The following RP1L1 variants were observed in gnomAD, a reference collection of about 807,000 sequenced individuals.
The protein encoded by RP1L1 is retinitis pigmentosa 1-like 1 protein.
In RP1L1, 27 loss-of-function variants were observed where a neutral mutation model predicts 15.7. That is an observed-to-expected ratio of 1.72 (90% CI 1.27 to 2.38). The LOEUF is 2.38. Among genes scored for constraint, RP1L1 ranks in the 30% most tolerant of loss-of-function variants. The pLI is 0.00. For missense variants in RP1L1, 4,798 were observed against 3,075.9 expected, an observed-to-expected ratio of 1.56 and a Z score of -13.24; for synonymous variants, 1,813 against 1,276.7, an observed-to-expected ratio of 1.42 and a Z score of -8.96.
rs1374387565 is a variant in RP1L1 at position 10,610,375 on chromosome 8, T to C, written c.3723A>G (p.Ser1241=). 1.9e-6 allele frequency: 3 copies of C among 1,614,102 alleles called. No individual in the cohort carries two copies. The change falls in exon 4 of 4, where the codon TCA becomes TCG. Residue 1241 remains serine, a synonymous_variant. Transcript: ENST00000382483. The part of the protein sequence containing the change: ...PLKTSNQRPD[S]RTYESPGDLE... ...GATCCCCTGGGCTCTCATAAGTTCT[T>C]GAATCAGGCCTCTGGTTGGAGGTTT...
rs377134555 is a variant in RP1L1 at position 10,640,349 on chromosome 8, C to T, written c.-20+14549G>A. On this transcript the variant is annotated intron_variant, in intron 1 of 3. Coordinates refer to ENST00000382483, the MANE Select transcript of RP1L1 (RefSeq NM_178857.6). Reference sequence around the variant, plus strand: ...CAAGATTATTTTATATGCTGAAAATCATTCTAATTTTGTTTTTTAATACTT... The same window carrying T: ...CAAGATTATTTTATATGCTGAAAATTATTCTAATTTTGTTTTTTAATACTT... Among the ~76,000 whole-genome samples, 6 of 152,200 alleles carry T rather than the reference C, an allele frequency of 3.9e-5. No individual in the cohort carries two copies. The East Asian group carries it at 5.8e-4, about 15-fold the overall frequency.
At chr8:10,636,045 A>G (rs561599699) in intron 1 of RP1L1, among the ~76,000 whole-genome samples, 1 of 152,210 alleles carries the variant, frequency 6.6e-6, no homozygotes, top group Non-Finnish European at 1.5e-5. Context: ...TCTGCTGACC[A>G]CCTGCCTTCT....
At chr8:10,652,814 G>A (rs2117273790) in intron 1 of RP1L1, among the ~76,000 whole-genome samples, 1 of 152,294 alleles carries the variant, frequency 6.6e-6, no homozygotes, top group South Asian at 2.1e-4. Flanking sequence ...TGCCCTTCCT[G>A]GAGGTCATCA....
chr8:10,639,080 G>A (rs763688065), intron 1 of RP1L1, among the ~76,000 whole-genome samples: 2 of 151,970 alleles, frequency 1.3e-5, no homozygotes, highest in African/African-American at 2.4e-5. Context: ...GGGAGGCAGG[G>A]GTTGCAGTGA....
intron 1 of RP1L1, among the ~76,000 whole-genome samples, chr8:10,648,197 A>AT (rs1798507780): frequency 6.6e-6 from 1 of 151,714 alleles, no homozygotes; most frequent in African/African-American, 2.4e-5. Context: ...ATGCCTGGCT[A>AT]TTTTTTATAT....
chr8:10,631,433 A>G (rs112507495), intron 1 of RP1L1, among the ~76,000 whole-genome samples: 14 of 149,702 alleles, frequency 9.4e-5, no homozygotes, highest in African/African-American at 2.0e-4. Flanking sequence ...ACATGCGCGC[A>G]CACACACGCA....
intron 2 of RP1L1, among the ~76,000 whole-genome samples, chr8:10,618,337 T>C (rs1164078656): frequency 6.6e-6 from 1 of 151,860 alleles, no homozygotes; most frequent in Non-Finnish European, 1.5e-5. Flanking sequence ...CCATCTCTAC[T>C]AAAAATACAA....
chr8:10,633,378 G>A (rs117855214), intron 1 of RP1L1, among the ~76,000 whole-genome samples: 228 of 152,332 alleles, frequency 1.5e-3, no homozygotes, highest in Non-Finnish European at 2.5e-3. Flanking sequence ...CAGACCCTTA[G>A]TTCAAAGGAC....
In RP1L1 at chr8:10,613,176, C is replaced by T. The variant is rs1329261184; in HGVS notation, c.922G>A (p.Asp308Asn). The change falls in exon 4 of 4, where the codon GAC becomes AAC. Residue 308 changes from aspartate to asparagine, a missense_variant. Physicochemically the swap from Asp to Asn is conservative, Grantham distance 23 (BLOSUM62 1). Transcript: ENST00000382483. The stretch of plus-strand genomic sequence containing the variant: ...TTCATGCGGACCTTCTTCTTCATGT[C>T]ATCGCCAGCCACCAGCGGGCCCGAC... ...AQSGPLVAGD[D>N]MKKKVRMNED... The T allele has an allele frequency of 3.1e-6, 5 of 1,613,712 alleles. No homozygotes were observed. The highest frequency in any genetic ancestry group is 3.4e-6 in the Non-Finnish European group (4 of 1,180,018).
chr8:10,632,028 G>T (rs960098082), intron 1 of RP1L1, among the ~76,000 whole-genome samples: 1 of 152,224 alleles, frequency 6.6e-6, no homozygotes, highest in African/African-American at 2.4e-5. Context: ...GCTTCACACG[G>T]TGGGCAGTGG....
chr8:10,636,166 C>G (rs1248706198), intron 1 of RP1L1, among the ~76,000 whole-genome samples: 2 of 152,254 alleles, frequency 1.3e-5, no homozygotes, highest in Non-Finnish European at 2.9e-5. Flanking sequence ...CTCCACAATG[C>G]TTATGGGCCT....
intron 1 of RP1L1, among the ~76,000 whole-genome samples, chr8:10,647,543 A>C (rs1798497547): frequency 6.6e-6 from 1 of 152,176 alleles, no homozygotes; most frequent in African/African-American, 2.4e-5. Flanking sequence ...TTCCGTCTCT[A>C]TAAATCTGAC....
intron 1 of RP1L1, among the ~76,000 whole-genome samples, chr8:10,634,280 T>A (rs1003504449): frequency 3.3e-5 from 5 of 152,172 alleles, no homozygotes; most frequent in Non-Finnish European, 7.3e-5. Flanking sequence ...CAGTTCTGAA[T>A]ATGCGCTCTC....
At position 10,620,369 on chromosome 8, in the gene RP1L1, G is replaced by T. The variant is rs148848712; in HGVS notation, c.609+2224C>A. Reference sequence around the variant, plus strand: ...GCCTGTAGTCTCAGCACTTTGGGAGGCCGAGGCAGATGAGTCACCTGAGGT... The same window carrying T: ...GCCTGTAGTCTCAGCACTTTGGGAGTCCGAGGCAGATGAGTCACCTGAGGT... On this transcript the variant is annotated intron_variant, in intron 2 of 3. Transcript: ENST00000382483. Among the ~76,000 whole-genome samples, 575 of 152,302 alleles carry T rather than the reference G, an allele frequency of 3.8e-3. 6 individuals are homozygous for T. The highest frequency in any genetic ancestry group is 0.013 in the African/African-American group (534 of 41,558).
At position 10,640,695 on chromosome 8, in the gene RP1L1, T is replaced by G. The variant is rs561177299; in HGVS notation, c.-20+14203A>C. Among the ~76,000 whole-genome samples, 14 of 151,624 alleles carry G rather than the reference T, an allele frequency of 9.2e-5. No individual in the cohort carries two copies. In the East Asian group the frequency reaches 2.7e-3, roughly 29 times the overall value. ...TATTATTATTAATATTTTATTATTA[T>G]TATCATCATCTATAAGGTGTAGGAA... On this transcript the variant is annotated intron_variant, in intron 1 of 3. Coordinates refer to ENST00000382483, the MANE Select transcript of RP1L1 (RefSeq NM_178857.6).
chr8:10,651,435 A>G (rs2117271539), intron 1 of RP1L1, among the ~76,000 whole-genome samples: 1 of 152,244 alleles, frequency 6.6e-6, no homozygotes, highest in Non-Finnish European at 1.5e-5. Context: ...ATAGAAATAA[A>G]AGCTATGCTC....
At chr8:10,639,685 G>A (rs776531072) in intron 1 of RP1L1, among the ~76,000 whole-genome samples, 6 of 152,112 alleles carry the variant, frequency 3.9e-5, no homozygotes, top group Non-Finnish European at 7.4e-5. Context: ...GTTTAAATTT[G>A]TTGAATAAAC....
In RP1L1 at chr8:10,622,758, A is replaced by G. The variant is rs112609335; in HGVS notation, c.444T>C (p.Leu148=). The change falls in exon 2 of 4, where the codon CTT becomes CTC. Residue 148 remains leucine (L), a synonymous_variant. Transcript: ENST00000382483. Reference sequence around the variant, plus strand: ...TCAGCAGTATCCTCCGGGGGGTTTTAAGACTCTTCCGGGAGGAGGAGGTGC... The same window carrying G: ...TCAGCAGTATCCTCCGGGGGGTTTTGAGACTCTTCCGGGAGGAGGAGGTGC... The part of the protein sequence containing the change: ...APGTSSSRKS[L]KTPRRILLIK... The G allele has an allele frequency of 2.5e-6, 4 of 1,613,964 alleles. No homozygotes were observed. Among genetic ancestry groups the G allele is most frequent in the Non-Finnish European group, 3.4e-6 (4 of 1,179,982 alleles).
In RP1L1 at chr8:10,623,137, G is replaced by A; in HGVS notation, c.65C>T (p.Ala22Val). 11 of 1,607,424 alleles carry A rather than the reference G, an allele frequency of 6.8e-6. No individual in the cohort carries two copies. The highest frequency in any genetic ancestry group is 7.6e-6 in the Non-Finnish European group (9 of 1,176,588). ...GACCTTGGTGACCGAGGGGGTGCGA[G>A]CCACAGAGGGCAGGAAGCACTCACG... is the stretch of plus-strand genomic sequence containing the variant. Reference protein sequence around the residue: ...SHRECFLPSVARTPSVTKVTP... With the variant: ...SHRECFLPSVVRTPSVTKVTP... Residue 22 changes from alanine to valine, a missense_variant, in exon 2 of 4, where the codon GCT (alanine) becomes GTT (valine). Physicochemically the swap from Ala to Val is moderately conservative, Grantham distance 64. Transcript: ENST00000382483.
Sources: gnomAD v4.1 joint callset for allele counts (sites outside exome capture counted in the v4.1 genomes callset) on GRCh38, gnomAD v4.1.1 for gene constraint, MANE v1.5 for transcripts, NCBI Gene and HGNC (gene_info 2026-07-23, HGNC 2026-07-21) for gene names.